LOXL2: variants seen among roughly 807,000 people sequenced by gnomAD.
The protein encoded by LOXL2 is lysyl oxidase like 2, also known as lysyl oxidase homolog 2.
In LOXL2, 70 loss-of-function variants were observed where a neutral mutation model predicts 93.0. The ratio of observed to expected loss-of-function variants is 0.75; its 90% CI spans 0.62 to 0.92. The LOEUF is 0.92. Ranked by LOEUF, LOXL2 falls within the 40% of genes least tolerant of loss-of-function variation. The probability of loss-of-function intolerance (pLI) is 0.00; values close to 1 mark genes in which losing one functional copy is unlikely to be tolerated. For synonymous variants in LOXL2, 438 were observed against 413.2 expected (o/e 1.06, Z -0.73); for missense variants, 973 against 1,054.9 (o/e 0.92, Z 1.08).
chr8:23,297,740 ATG>A lies in LOXL2; in HGVS notation c.*301_*302del. 9.8e-5 allele frequency: 31 copies of A among 316,294 alleles called. No individual in the cohort carries two copies. Among genetic ancestry groups the A allele is most frequent in the Middle Eastern group, 8.8e-4 (1 of 1,130 alleles). The allele number at this position is 316,294 out of a possible 1,614,324, so 19.6% of individuals were successfully genotyped here. ...TCGGTGGCTTGAATGGGACAAGCTGATGACAACCTGTCTGTGGGCCTCATCCC... is the reference window on the plus strand; with the variant it reads ...TCGGTGGCTTGAATGGGACAAGCTGAACAACCTGTCTGTGGGCCTCATCCC... On this transcript the variant is annotated 3_prime_UTR_variant, in exon 14 of 14. Transcript: ENST00000389131.
intron 1 of LOXL2, among the ~76,000 whole-genome samples, chr8:23,380,066 T>G (rs11784240): frequency 0.12 from 18,377 of 152,234 alleles, 1,387 homozygotes; most frequent in Admixed American, 0.18. Context: ...TGTTCCTATT[T>G]GGCCATCTTG....
chr8:23,346,631 C>T (rs1462119302), intron 3 of LOXL2, among the ~76,000 whole-genome samples: 1 of 152,168 alleles, frequency 6.6e-6, no homozygotes, highest in African/African-American at 2.4e-5. Flanking sequence ...GAAAAATCAC[C>T]CATTTTGAAA....
intron 4 of LOXL2, chr8:23,337,256 G>A (rs1803809407): frequency 1.3e-5 from 2 of 152,792 alleles, no homozygotes; most frequent in South Asian, 2.1e-4. Flanking sequence ...CGGGGCCCCC[G>A]CCACCCTGGA....
chr8:23,356,345 G>T (rs1804198031), intron 3 of LOXL2, among the ~76,000 whole-genome samples: 1 of 152,154 alleles, frequency 6.6e-6, no homozygotes. Context: ...TTAATAGCAG[G>T]CATTTCTTTA....
Position 23,388,163 on chromosome 8 carries a change from T to C in LOXL2, c.-84+15791A>G, listed in dbSNP as rs185986935. On this transcript the variant is annotated intron_variant, in intron 1 of 13. Coordinates refer to ENST00000389131, the MANE Select transcript of LOXL2 (RefSeq NM_002318.3). ...ACTACAGTTCTGAGTGATACTAAGC[T>C]GCATAATGCAGTTGCTTACATTTAA... 5.3e-5 allele frequency among the ~76,000 whole-genome samples: 8 copies of C among 152,332 alleles called. No individual in the cohort carries two copies. In the East Asian group the frequency reaches 1.5e-3, roughly 29 times the overall value.
Position 23,368,749 on chromosome 8 carries a change from C to T in LOXL2, c.-83-315G>A, listed in dbSNP as rs148161872. ...AGAGTTCTGCAGAACTAACAAAGGC[C>T]GGTGTCACACCCTAGGGCTGGCGAC... On this transcript the variant is annotated intron_variant, in intron 1 of 13. Coordinates refer to ENST00000389131, the MANE Select transcript of LOXL2 (RefSeq NM_002318.3). Among the ~76,000 whole-genome samples, 1,039 of 152,172 alleles carry T rather than the reference C, an allele frequency of 6.8e-3. 7 individuals are homozygous for T. Among genetic ancestry groups the T allele is most frequent in the Admixed American group, 0.011 (165 of 15,284 alleles).
intron 12 of LOXL2, among the ~76,000 whole-genome samples, chr8:23,301,228 A>G (rs568232922): frequency 1.3e-5 from 2 of 152,302 alleles, no homozygotes; most frequent in African/African-American, 4.8e-5. Context: ...CGTAGGAGAG[A>G]GTGAGAGGGT....
chr8:23,399,150 A>G (rs749964689), intron 1 of LOXL2, among the ~76,000 whole-genome samples: 4 of 152,182 alleles, frequency 2.6e-5, no homozygotes, highest in African/African-American at 4.8e-5. Context: ...GTGGGCCTAG[A>G]GCAGAGTGGC....
At chr8:23,392,369 C>G (rs1032913518) in intron 1 of LOXL2, among the ~76,000 whole-genome samples, 1 of 152,178 alleles carries the variant, frequency 6.6e-6, no homozygotes, top group Non-Finnish European at 1.5e-5. Context: ...ACAATGCCAG[C>G]TGGTGCTGGG....
chr8:23,320,449 G>A (rs1803475610), intron 7 of LOXL2, among the ~76,000 whole-genome samples: 2 of 152,176 alleles, frequency 1.3e-5, no homozygotes, highest in African/African-American at 4.8e-5. Flanking sequence ...GGGTTCCAGA[G>A]CCACTGGCAT....
At chr8:23,315,497 A>C (rs1297267625) in intron 9 of LOXL2, among the ~76,000 whole-genome samples, 1 of 152,044 alleles carries the variant, frequency 6.6e-6, no homozygotes, top group Non-Finnish European at 1.5e-5. Flanking sequence ...CATGAAACTC[A>C]TTTTTGGATC....
rs573647976 is a variant in LOXL2 at position 23,297,916 on chromosome 8, G to A, written c.*127C>T. 5 of 711,376 alleles carry A rather than the reference G, an allele frequency of 7.0e-6. No individual in the cohort carries two copies. Among genetic ancestry groups the A allele is most frequent in the South Asian group, 6.8e-5 (4 of 58,836 alleles). The allele number at this position is 711,376 out of a possible 1,614,324, so 44.1% of individuals were successfully genotyped here. A position where few individuals can be genotyped will look rare whatever the true frequency, so the allele number is the denominator to read the frequency against. The stretch of plus-strand genomic sequence containing the variant: ...TCCTGAGCTTAGACACAGCTGTAGG[G>A]GTCTGGACAGGGTGGGGGCCGGGCT... On this transcript the variant is annotated 3_prime_UTR_variant, in exon 14 of 14. Coordinates refer to ENST00000389131, the MANE Select transcript of LOXL2 (RefSeq NM_002318.3).
At chr8:23,355,898 C>G (rs998647683) in intron 3 of LOXL2, among the ~76,000 whole-genome samples, 7 of 152,006 alleles carry the variant, frequency 4.6e-5, no homozygotes, top group Non-Finnish European at 8.8e-5. Flanking sequence ...TGTGAGCCAA[C>G]CCAACAGGCC....
chr8:23,353,433 C>G (rs1366471537), intron 3 of LOXL2, among the ~76,000 whole-genome samples: 2 of 152,184 alleles, frequency 1.3e-5, no homozygotes, highest in African/African-American at 4.8e-5. Context: ...TATATCCAGA[C>G]AAACTTCTGT....
At chr8:23,366,831 A>G (rs1467225607) in intron 2 of LOXL2, among the ~76,000 whole-genome samples, 1 of 152,170 alleles carries the variant, frequency 6.6e-6, no homozygotes, top group Non-Finnish European at 1.5e-5. Context: ...AAAAGAAACA[A>G]TTCCCTCCAC....
chr8:23,350,060 T>C (rs1173077694), intron 3 of LOXL2, among the ~76,000 whole-genome samples: 1 of 152,286 alleles, frequency 6.6e-6, no homozygotes, highest in East Asian at 1.9e-4. Flanking sequence ...GGCATCCTTT[T>C]GTCACCTGAG....
At chr8:23,342,518 G>A (rs1365015154) in intron 3 of LOXL2, among the ~76,000 whole-genome samples, 9 of 146,394 alleles carry the variant, frequency 6.1e-5, no homozygotes, top group East Asian at 2.1e-4. Context: ...TGCAAGCTCC[G>A]CCTCCCGGGT....
At chr8:23,312,075 T>C (rs774767522) in intron 9 of LOXL2, among the ~76,000 whole-genome samples, 2 of 152,180 alleles carry the variant, frequency 1.3e-5, no homozygotes. Context: ...CCTCGACACA[T>C]ACACCGTCCC....
At chr8:23,399,736 A>C (rs1800134140) in intron 1 of LOXL2, among the ~76,000 whole-genome samples, 3 of 152,192 alleles carry the variant, frequency 2.0e-5, no homozygotes, top group Admixed American at 6.5e-5. Context: ...ATGGACTAAA[A>C]CACCTCCTAA....
Sources: allele counts gnomAD v4.1 joint callset (sites outside exome capture counted in the v4.1 genomes callset), GRCh38; gene constraint gnomAD v4.1.1; transcripts MANE v1.5; gene names NCBI Gene and HGNC (gene_info 2026-07-23, HGNC 2026-07-21).